The following AGBL4 variants were observed in gnomAD, a reference collection of about 807,000 sequenced individuals.
AGBL4 encodes the protein cytosolic carboxypeptidase 6.
A neutral mutation model predicts 66.4 loss-of-function variants in AGBL4; 58 were observed. That is an observed-to-expected ratio of 0.87 (90% CI 0.71 to 1.09). AGBL4 has a LOEUF of 1.09. Ranked by LOEUF, AGBL4 falls within the 50% of genes least tolerant of loss-of-function variation. The pLI, the probability that AGBL4 is intolerant of heterozygous loss-of-function variation, is 0.00. For synonymous variants in AGBL4, 234 were observed against 222.9 expected (o/e 1.05, Z -0.44); for missense variants, 579 against 631.0 (o/e 0.92, Z 0.88).
chr1:49,936,569 G>T (rs1399269671), intron 1 of AGBL4, among the ~76,000 whole-genome samples: 3 of 152,166 alleles, frequency 2.0e-5, no homozygotes, highest in Non-Finnish European at 2.9e-5. Flanking sequence ...AGGAAAAAAT[G>T]TTAAGGGCAG....
At chr1:49,806,350 C>G (rs1400700816) in intron 2 of AGBL4, among the ~76,000 whole-genome samples, 1 of 152,166 alleles carries the variant, frequency 6.6e-6, no homozygotes. Flanking sequence ...TGTCTGTGTC[C>G]TAGTATTTTG....
At chr1:49,014,459 G>A (rs1362450401) in intron 5 of AGBL4, among the ~76,000 whole-genome samples, 1 of 152,122 alleles carries the variant, frequency 6.6e-6, no homozygotes, top group Non-Finnish European at 1.5e-5. Flanking sequence ...TTTATAACAT[G>A]AAAATAATCT....
At chr1:48,653,072 A>C (rs1195414124) in intron 8 of AGBL4, among the ~76,000 whole-genome samples, 1 of 152,178 alleles carries the variant, frequency 6.6e-6, no homozygotes, top group Non-Finnish European at 1.5e-5. Context: ...TTACATGGAA[A>C]GTAGGTGCCA....
intron 8 of AGBL4, among the ~76,000 whole-genome samples, chr1:48,642,387 C>A (rs1484364184): frequency 6.6e-6 from 1 of 152,134 alleles, no homozygotes; most frequent in African/African-American, 2.4e-5. Context: ...CTTTAGAGTG[C>A]CTTCTCCCTT....
intron 3 of AGBL4, among the ~76,000 whole-genome samples, chr1:49,361,337 A>C (rs1029828461): frequency 1.3e-5 from 2 of 152,010 alleles, no homozygotes; most frequent in East Asian, 3.9e-4. Context: ...ACACAGAATT[A>C]AGAAGTACTT....
intron 3 of AGBL4, among the ~76,000 whole-genome samples, chr1:49,468,736 C>T (rs1646679775): frequency 6.6e-6 from 1 of 151,634 alleles, no homozygotes; most frequent in Non-Finnish European, 1.5e-5. Context: ...GTGTGGAGAC[C>T]TTTAGAGAGT....
At chr1:49,932,428 T>G (rs1239232423) in intron 1 of AGBL4, among the ~76,000 whole-genome samples, 1 of 152,098 alleles carries the variant, frequency 6.6e-6, no homozygotes, top group East Asian at 1.9e-4. Flanking sequence ...ATAATAAAAA[T>G]CTTTGTAACC....
At chr1:48,690,866 C>A (rs1248910780) in intron 6 of AGBL4, among the ~76,000 whole-genome samples, 2 of 152,066 alleles carry the variant, frequency 1.3e-5, no homozygotes, top group South Asian at 2.1e-4. Flanking sequence ...GTGAAGTTAA[C>A]TTTAATATAT....
intron 3 of AGBL4, among the ~76,000 whole-genome samples, chr1:49,467,962 G>A (rs1003934334): frequency 6.6e-6 from 1 of 151,706 alleles, no homozygotes; most frequent in Non-Finnish European, 1.5e-5. Flanking sequence ...ATATGCAAGT[G>A]CAATTATCAA....
chr1:49,562,914 CATG>C (rs1324275284), intron 3 of AGBL4, among the ~76,000 whole-genome samples: 4 of 152,230 alleles, frequency 2.6e-5, no homozygotes, highest in African/African-American at 9.6e-5. Context: ...TGGCCATTTT[CATG>C]ATATTGATTC....
chr1:50,002,698 A>C (rs1660856705), intron 1 of AGBL4, among the ~76,000 whole-genome samples: 1 of 152,106 alleles, frequency 6.6e-6, no homozygotes, highest in Admixed American at 6.5e-5. Flanking sequence ...GGCCATAGAG[A>C]ACTTCAACAG....
At chr1:49,160,156 G>A (rs1646513289) in intron 4 of AGBL4, among the ~76,000 whole-genome samples, 1 of 152,136 alleles carries the variant, frequency 6.6e-6, no homozygotes, top group Non-Finnish European at 1.5e-5. Flanking sequence ...CTGGTTTTTG[G>A]AATTTTCAGC....
At chr1:49,785,356 T>C (rs747356529) in intron 2 of AGBL4, among the ~76,000 whole-genome samples, 43 of 152,228 alleles carry the variant, frequency 2.8e-4, no homozygotes, top group Non-Finnish European at 4.3e-4. Context: ...ATGACAAATA[T>C]GTGAGGTGAT....
intron 5 of AGBL4, among the ~76,000 whole-genome samples, chr1:48,925,050 G>T (rs1232554335): frequency 6.6e-6 from 1 of 151,800 alleles, no homozygotes; most frequent in Non-Finnish European, 1.5e-5. Context: ...GAGAAGTAAG[G>T]TTTTTACTAA....
rs754759189 is a variant in AGBL4 at position 49,799,577 on chromosome 1, T to C, written c.157+51819A>G. ...AAGTGAGGGAGGGAAGAAAGGATAG[T>C]AGAAAGAGAGAGACAGATACATAGT... On this transcript the variant is annotated intron_variant, in intron 2 of 13. Coordinates refer to ENST00000371839, the MANE Select transcript of AGBL4 (RefSeq NM_032785.4). Among the ~76,000 whole-genome samples the C allele has an allele frequency of 7.2e-5, 11 of 152,054 alleles. No individual in the cohort carries two copies. In the East Asian group the frequency reaches 1.6e-3, roughly 21 times the overall value.
chr1:48,591,101 C>A (rs1457272740), intron 9 of AGBL4, 116 bp from the exon 10 acceptor site: 3 of 799,166 alleles, frequency 3.8e-6, no homozygotes, highest in Admixed American at 6.2e-5. Flanking sequence ...CCCCCCCCCA[C>A]ACACACACAC....
rs879609961 is a variant in AGBL4, at chr1:49,207,493, TTTTC to T, written c.377+38273_377+38276del. Reference sequence around the variant, plus strand: ...CTCTTTCTTTCTTTTTCTTTCTTTCTTTTCTTTCTTTCTTTTTCTTTCTTTCTTT... The same window carrying T: ...CTCTTTCTTTCTTTTTCTTTCTTTCTTTTCTTTCTTTTTCTTTCTTTCTTT... On this transcript the variant is annotated intron_variant, in intron 4 of 13. Coordinates refer to ENST00000371839, the MANE Select transcript of AGBL4 (RefSeq NM_032785.4). Among the ~76,000 whole-genome samples, 86 of 144,856 alleles carry T rather than the reference TTTTC, an allele frequency of 5.9e-4. 2 individuals carry two copies. The highest frequency in any genetic ancestry group is 1.4e-3 in the African/African-American group (58 of 40,036).
chr1:49,974,537 A>G (rs1389113945), intron 1 of AGBL4, among the ~76,000 whole-genome samples: 1 of 152,144 alleles, frequency 6.6e-6, no homozygotes, highest in Non-Finnish European at 1.5e-5. Flanking sequence ...ATTTCTTAGC[A>G]CTGCATTTTT....
intron 1 of AGBL4, chr1:49,865,973 C>A: frequency 2.6e-6 from 1 of 380,112 alleles, no homozygotes. Context: ...CCACAAGTAT[C>A]AACAACCTAA....
Sources: allele counts gnomAD v4.1 joint callset (sites outside exome capture counted in the v4.1 genomes callset), GRCh38; gene constraint gnomAD v4.1.1; transcripts MANE v1.5; gene names NCBI Gene and HGNC (gene_info 2026-07-23, HGNC 2026-07-21).